The following ZNF106 variants were observed in gnomAD, a reference collection of about 807,000 sequenced individuals.
The protein encoded by ZNF106 is SH3-domain binding protein 3.
ZNF106 carries 67 observed loss-of-function variants against 195.1 expected under a neutral mutation model. The ratio of observed to expected loss-of-function variants is 0.34; its 90% CI spans 0.28 to 0.42. The LOEUF (loss-of-function observed/expected upper bound fraction) is 0.42, where lower values mean the gene tolerates loss of function less well. ZNF106 is among the 10% of genes least tolerant of loss of function. ZNF106 has a pLI of 1.00. For synonymous variants in ZNF106, 784 were observed against 818.6 expected, an observed-to-expected ratio of 0.96 and a Z score of 0.72; for missense variants, 2,118 against 2,304.5, an observed-to-expected ratio of 0.92 and a Z score of 1.66.
At chr15:42,424,174 T>C (rs981691619) in intron 16 of ZNF106, 114 bp from the exon 17 acceptor site, 4 of 833,918 alleles carry the variant, frequency 4.8e-6, no homozygotes, top group East Asian at 5.5e-5. Flanking sequence ...ATGAGCACGA[T>C]GAACTAGGTA....
intron 16 of ZNF106, chr15:42,424,599 C>G: frequency 2.3e-6 from 1 of 433,086 alleles, no homozygotes; most frequent in Non-Finnish European, 4.2e-6. Context: ...GATTCTCCCA[C>G]CTCAGCCTCA....
chr15:42,490,410 T>C (rs1159829030), intron 1 of ZNF106: 1 of 152,172 alleles, frequency 6.6e-6, no homozygotes, highest in Non-Finnish European at 1.5e-5. Flanking sequence ...CTCTCAAAGA[T>C]GATTACACAA....
chr15:42,452,236 C>T (rs2056057942), intron 4 of ZNF106, among the ~76,000 whole-genome samples: 2 of 152,046 alleles, frequency 1.3e-5, no homozygotes, highest in Admixed American at 6.6e-5. Flanking sequence ...AAATTTGGCA[C>T]ATTTGGCCAG....
intron 17 of ZNF106, among the ~76,000 whole-genome samples, chr15:42,423,721 C>T (rs1353229014): frequency 6.6e-6 from 1 of 152,088 alleles, no homozygotes; most frequent in Non-Finnish European, 1.5e-5. Flanking sequence ...ATATCATATC[C>T]ACTTTCTGGA....
chr15:42,475,442 AAAAAAT>A (rs1210710877), intron 1 of ZNF106, among the ~76,000 whole-genome samples: 2 of 152,230 alleles, frequency 1.3e-5, no homozygotes, highest in Admixed American at 6.5e-5. Context: ...ACTCTGTCTC[AAAAAAT>A]AAAAATAAAA....
chr15:42,436,797 C>G (rs2055288459), intron 13 of ZNF106, among the ~76,000 whole-genome samples: 1 of 152,194 alleles, frequency 6.6e-6, no homozygotes, highest in Admixed American at 6.5e-5. Context: ...CATCCCTCCT[C>G]TATTATGTAG....
intron 2 of ZNF106, among the ~76,000 whole-genome samples, chr15:42,470,069 C>CA (rs746917438): frequency 6.6e-6 from 1 of 151,868 alleles, no homozygotes; most frequent in Non-Finnish European, 1.5e-5. Context: ...TTGAATAATA[C>CA]AAAAAATATG....
chr15:42,444,822 G>A lies in ZNF106; in HGVS notation c.3360+5C>T. ...ATTTTTATTAAATCCTCCACATGCT[G>A]TTACCTGCTGCTTGAGCATAAGTAG... On this transcript the variant is annotated splice_donor_5th_base_variant and intron_variant, in intron 8 of 21. Transcript: ENST00000564754. 6.2e-7 allele frequency: 1 copy of A among 1,613,386 alleles called. No individual in the cohort carries two copies. The highest frequency in any genetic ancestry group is 1.3e-5 in the African/African-American group (1 of 74,988).
intron 2 of ZNF106, among the ~76,000 whole-genome samples, chr15:42,471,049 C>T (rs561081418): frequency 1.3e-5 from 2 of 152,310 alleles, no homozygotes; most frequent in South Asian, 4.1e-4. Flanking sequence ...ACTATCTTCA[C>T]TTAATTACAA....
chr15:42,466,737 C>T (rs1174488361), intron 2 of ZNF106, among the ~76,000 whole-genome samples: 1 of 152,190 alleles, frequency 6.6e-6, no homozygotes. Context: ...CCTCACTTCC[C>T]CAGTGGATTT....
In ZNF106 at chr15:42,415,558, C is replaced by CT. The variant is rs2054422153; in HGVS notation, c.*1745dup. 4.5e-6 allele frequency: 2 copies of CT among 448,612 alleles called. No homozygotes were observed. Among genetic ancestry groups the CT allele is most frequent in the Non-Finnish European group, 9.0e-6 (2 of 223,240 alleles). 27.8% of individuals were successfully genotyped at this position (448,612 alleles called of 1,614,324 possible). ...CTCTTGAAGCCTATCCATAAACCCCCTGGTGAAGTCCCCCTGCCCGATAGC... is the reference window on the plus strand; with the variant it reads ...CTCTTGAAGCCTATCCATAAACCCCCTTGGTGAAGTCCCCCTGCCCGATAGC... On this transcript the variant is annotated 3_prime_UTR_variant, in exon 22 of 22. Transcript: ENST00000564754.
At chr15:42,489,664 TTGAGAACGGGGCTTAAAG>T (rs1567037756) in intron 1 of ZNF106, among the ~76,000 whole-genome samples, 1 of 152,228 alleles carries the variant, frequency 6.6e-6, no homozygotes, top group Admixed American at 6.5e-5. Flanking sequence ...ACGACCAAAC[TTGAGAACGGGGCTTAAAG>T]CAAATTTTAA....
chr15:42,448,290 G>A lies in ZNF106; in HGVS notation c.2917C>T (p.His973Tyr), dbSNP rs1311323046. The A allele has an allele frequency of 1.2e-6, 2 of 1,614,080 alleles. No homozygotes were observed. Among genetic ancestry groups the A allele is most frequent in the African/African-American group, 1.3e-5 (1 of 74,928 alleles). ...TGGCTGTTCAAGTCTTTTGCCAAAT[G>A]CATCAAAGGTATTATATGGTCAGAG... is the stretch of plus-strand genomic sequence containing the variant. Reference protein sequence around the residue: ...LSSDHIIPLMHLAKDLNSQER... With the variant: ...LSSDHIIPLMYLAKDLNSQER... Residue 973 changes from histidine to tyrosine, a missense_variant, in exon 6 of 22, where the codon CAT becomes TAT. Coordinates refer to ENST00000564754, the MANE Select transcript of ZNF106 (RefSeq NM_001366845.3).
intron 17 of ZNF106, among the ~76,000 whole-genome samples, chr15:42,423,517 C>T (rs926485922): frequency 3.3e-5 from 5 of 152,056 alleles, no homozygotes; most frequent in African/African-American, 1.2e-4. Flanking sequence ...GCTGGAATTA[C>T]AGGACGCACT....
chr15:42,449,701 C>T (rs1284434493), intron 5 of ZNF106, 70 bp downstream of exon 5: 13 of 1,519,322 alleles, frequency 8.6e-6, no homozygotes, highest in Non-Finnish European at 9.7e-6. Flanking sequence ...GTAGAATTCT[C>T]TTGATCAGGG....
chr15:42,440,378 T>C (rs909345253), intron 10 of ZNF106, among the ~76,000 whole-genome samples: 1 of 152,084 alleles, frequency 6.6e-6, no homozygotes, highest in Non-Finnish European at 1.5e-5. Context: ...AACTAAATAT[T>C]CAAAAAAGAT....
rs553425331 is a variant in ZNF106 at position 42,458,650 on chromosome 15, A to G, written c.117-1492T>C. ...TTGAACCCAGGAGGCAAAGGTTGCA[A>G]TGAGCCGAGATTACACCACTGCACT... On this transcript the variant is annotated intron_variant, in intron 3 of 21. Coordinates refer to ENST00000564754, the MANE Select transcript of ZNF106 (RefSeq NM_001366845.3). Among the ~76,000 whole-genome samples the G allele has an allele frequency of 5.3e-5, 8 of 151,310 alleles. No homozygotes were observed. In the East Asian group the frequency reaches 5.9e-4, roughly 11 times the overall value.
At position 42,415,494 on chromosome 15, in the gene ZNF106, TACTC is replaced by T. The variant is rs940956013; in HGVS notation, c.*1806_*1809del. ...AGCCTTTCCTGGAAAAAAGAACACA[TACTC>T]AGTCTCACACACAATTTCTGGGGGC... On this transcript the variant is annotated 3_prime_UTR_variant, in exon 22 of 22. Coordinates refer to ENST00000564754, the MANE Select transcript of ZNF106 (RefSeq NM_001366845.3). The T allele has an allele frequency of 5.7e-5, 26 of 455,224 alleles. No homozygotes were observed. Among genetic ancestry groups the T allele is most frequent in the Non-Finnish European group, 1.0e-4 (23 of 226,652 alleles). The allele number at this position is 455,224 out of a possible 1,614,324, so 28.2% of individuals were successfully genotyped here.
chr15:42,416,317 T>G lies in ZNF106; in HGVS notation c.*987A>C, dbSNP rs1062015. The G allele has an allele frequency of 0.22, 32,730 of 152,198 alleles. 5,035 individuals carry two copies. The highest frequency in any genetic ancestry group is 0.43 in the African/African-American group (17,646 of 41,402). The allele number at this position is 152,198 out of a possible 1,614,324, so 9.4% of individuals were successfully genotyped here. A position where few individuals can be genotyped will look rare whatever the true frequency, so the allele number is the denominator to read the frequency against. On this transcript the variant is annotated 3_prime_UTR_variant, in exon 22 of 22. Transcript: ENST00000564754. ...AACCCCCTCTCCCCCACCATCTTAG[T>G]TGCTGCAGGGGGGTGGAAAACACCC...
Sources: gnomAD v4.1 joint callset for allele counts (sites outside exome capture counted in the v4.1 genomes callset) on GRCh38, gnomAD v4.1.1 for gene constraint, MANE v1.5 for transcripts, NCBI Gene and HGNC (gene_info 2026-07-23, HGNC 2026-07-21) for gene names.